The following CAMK2B variants were observed in gnomAD, a reference collection of about 807,000 sequenced individuals.
CAMK2B encodes calcium/calmodulin-dependent protein kinase type II subunit beta.
In CAMK2B, 27 loss-of-function variants were observed where a neutral mutation model predicts 93.7. That is an observed-to-expected ratio of 0.29 (90% CI 0.21 to 0.40). The LOEUF is 0.40. Ranked by LOEUF, CAMK2B falls within the 10% of genes least tolerant of loss-of-function variation. CAMK2B has a pLI of 1.00. For synonymous variants in CAMK2B, 374 were observed against 358.8 expected, an observed-to-expected ratio of 1.04 and a Z score of -0.48; for missense variants, 568 against 895.8, an observed-to-expected ratio of 0.63 and a Z score of 4.67.
At chr7:44,221,522 G>A (rs1239114205) in intron 20 of CAMK2B, among the ~76,000 whole-genome samples, 1 of 149,798 alleles carries the variant, frequency 6.7e-6, no homozygotes, top group Non-Finnish European at 1.5e-5. Flanking sequence ...AGGGTTCCCC[G>A]GAGCGATGAC....
At chr7:44,270,915 TTTTTC>T (rs984997528) in intron 2 of CAMK2B, among the ~76,000 whole-genome samples, 4 of 152,144 alleles carry the variant, frequency 2.6e-5, no homozygotes, top group Non-Finnish European at 2.9e-5. Context: ...CTTTCTAGAC[TTTTTC>T]TTTTCTTTTC....
At chr7:44,246,359 C>G (rs556533142) in intron 6 of CAMK2B, among the ~76,000 whole-genome samples, 4 of 152,186 alleles carry the variant, frequency 2.6e-5, no homozygotes, top group Admixed American at 2.0e-4. Context: ...CCTGGAGGTC[C>G]GGAGGGGTAG....
intron 5 of CAMK2B, among the ~76,000 whole-genome samples, chr7:44,252,545 G>C (rs1283976601): frequency 1.4e-5 from 2 of 147,472 alleles, no homozygotes; most frequent in Non-Finnish European, 3.0e-5. Context: ...GGGGGTGGGG[G>C]TGGGGGAGGG....
chr7:44,228,358 G>C (rs1222256666), intron 19 of CAMK2B, among the ~76,000 whole-genome samples: 1 of 152,104 alleles, frequency 6.6e-6, no homozygotes, highest in Non-Finnish European at 1.5e-5. Flanking sequence ...CAGGGGTTGG[G>C]GCCACATCAG....
chr7:44,228,581 C>T (rs1055822752), intron 19 of CAMK2B, among the ~76,000 whole-genome samples: 1 of 152,038 alleles, frequency 6.6e-6, no homozygotes, highest in Non-Finnish European at 1.5e-5. Flanking sequence ...GGAGCAGGAG[C>T]CGTGGAGGGG....
chr7:44,259,742 A>G (rs1330055186), intron 3 of CAMK2B, among the ~76,000 whole-genome samples: 1 of 152,118 alleles, frequency 6.6e-6, no homozygotes, highest in African/African-American at 2.4e-5. Flanking sequence ...TGAGCTGGAG[A>G]TGTGCCCTGT....
intron 12 of CAMK2B, 102 bp downstream of exon 12, chr7:44,240,605 C>A (rs1392795073): frequency 7.4e-7 from 1 of 1,344,394 alleles, no homozygotes; most frequent in Non-Finnish European, 1.1e-6. Context: ...GGCAGGCCTG[C>A]CGCAGAGGAG....
chr7:44,237,572 C>G (rs76624683), intron 13 of CAMK2B, among the ~76,000 whole-genome samples: 9,469 of 152,314 alleles, frequency 0.062, 342 homozygotes, highest in South Asian at 0.13. Context: ...CTCCTGAGTG[C>G]ATGGCTCCCG....
intron 20 of CAMK2B, among the ~76,000 whole-genome samples, chr7:44,226,109 C>G (rs548336078): frequency 6.6e-6 from 1 of 152,296 alleles, no homozygotes; most frequent in South Asian, 2.1e-4. Context: ...CAGGCCGGGA[C>G]TGACACTTTT....
At chr7:44,266,586 G>A (rs901384197) in intron 2 of CAMK2B, among the ~76,000 whole-genome samples, 2 of 152,228 alleles carry the variant, frequency 1.3e-5, no homozygotes, top group African/African-American at 4.8e-5. Context: ...GGTCCCCAGG[G>A]AACCTGCTGA....
intron 1 of CAMK2B, among the ~76,000 whole-genome samples, chr7:44,291,931 C>T (rs1786954052): frequency 6.6e-6 from 1 of 152,334 alleles, no homozygotes; most frequent in South Asian, 2.1e-4. Context: ...GCTCCCTAAC[C>T]TGAGCTTCGG....
chr7:44,239,693 A>C, intron 12 of CAMK2B, 30 bp from the exon 13 acceptor site: 33 of 696,398 alleles, frequency 4.7e-5, no homozygotes, highest in Non-Finnish European at 6.2e-5. Flanking sequence ...GACGAGGGGA[A>C]GGGAGGGGTG....
intron 5 of CAMK2B, among the ~76,000 whole-genome samples, chr7:44,250,677 G>C (rs2096772205): frequency 6.6e-6 from 1 of 152,076 alleles, no homozygotes; most frequent in Non-Finnish European, 1.5e-5. Flanking sequence ...TTACAGGCAT[G>C]CGCCACCACA....
In CAMK2B at chr7:44,271,730, C is replaced by T. The variant is rs1409547169; in HGVS notation, c.161-8666G>A. ...CTGGCTGGTAAATGTGAAGTAGAACCAGTCCTGACCCCAAAGTCAGCTTGG... is the reference window on the plus strand; with the variant it reads ...CTGGCTGGTAAATGTGAAGTAGAACTAGTCCTGACCCCAAAGTCAGCTTGG... On this transcript the variant is annotated intron_variant, in intron 2 of 23. Transcript: ENST00000395749. The surrounding 1 kb of genome is among the most constrained non-coding windows in gnomAD (Gnocchi z 4.2). 6.6e-6 allele frequency among the ~76,000 whole-genome samples: 1 copy of T among 152,254 alleles called. No homozygotes were observed. The highest frequency in any genetic ancestry group is 1.9e-4 in the East Asian group (1 of 5,196).
Position 44,234,663 on chromosome 7 carries a change from G to A in CAMK2B, c.1035C>T (p.Leu345=). 6.2e-7 allele frequency: 1 copy of A among 1,614,072 alleles called. No homozygotes were observed. The change falls in exon 14 of 24, where the codon CTC becomes CTT. Residue 345 remains leucine (L), a synonymous_variant. Transcript: ENST00000395749. ...MGLVEQAKSL[L]NKKADGVKPQ... ...CCTTGACTCCATCTGCTTTCTTGTTGAGTAAACTCTTGGCTGCTGCATGGG... is the reference window on the plus strand; with the variant it reads ...CCTTGACTCCATCTGCTTTCTTGTTAAGTAAACTCTTGGCTGCTGCATGGG...
chr7:44,235,296 C>T (rs537870677), intron 13 of CAMK2B, among the ~76,000 whole-genome samples: 17 of 152,378 alleles, frequency 1.1e-4, no homozygotes, highest in African/African-American at 4.1e-4. Context: ...TGCCCAGCAG[C>T]CCTGGCCTTG....
intron 2 of CAMK2B, among the ~76,000 whole-genome samples, chr7:44,277,625 C>T (rs1329883100): frequency 6.6e-6 from 1 of 152,204 alleles, no homozygotes; most frequent in African/African-American, 2.4e-5. Context: ...TCCACTGGCG[C>T]TAGACCCAAA....
intron 1 of CAMK2B, among the ~76,000 whole-genome samples, chr7:44,301,120 A>T (rs1174428253): frequency 6.6e-6 from 1 of 152,158 alleles, no homozygotes; most frequent in Admixed American, 6.5e-5. Context: ...CAGCAAAGGC[A>T]GTCTTTATTA....
At chr7:44,290,049 A>G (rs952632831) in intron 1 of CAMK2B, among the ~76,000 whole-genome samples, 1 of 152,152 alleles carries the variant, frequency 6.6e-6, no homozygotes, top group African/African-American at 2.4e-5. Flanking sequence ...AGGCATGCGC[A>G]CACACACATG....
Sources: allele counts gnomAD v4.1 joint callset (sites outside exome capture counted in the v4.1 genomes callset), GRCh38; gene constraint gnomAD v4.1.1; non-coding constraint Gnocchi (gnomAD v3.1); transcripts MANE v1.5; gene names NCBI Gene and HGNC (gene_info 2026-07-23, HGNC 2026-07-21).